IL23R: variants seen among roughly 807,000 people sequenced by gnomAD.
IL23R encodes interleukin-23 receptor.
A neutral mutation model predicts 56.9 loss-of-function variants in IL23R; 34 were observed. The observed-to-expected ratio is 0.60, with a 90% CI of 0.45 to 0.80. The LOEUF is 0.80. IL23R is among the 30% of genes least tolerant of loss of function. The pLI, the probability that IL23R is intolerant of heterozygous loss-of-function variation, is 0.00. For missense variants in IL23R, 635 were observed against 730.0 expected, an observed-to-expected ratio of 0.87 and a Z score of 1.50; for synonymous variants, 230 against 249.2, an observed-to-expected ratio of 0.92 and a Z score of 0.73.
intron 1 of IL23R, among the ~76,000 whole-genome samples, chr1:67,154,693 A>C (rs1281130545): frequency 6.6e-6 from 1 of 152,032 alleles, no homozygotes; most frequent in Non-Finnish European, 1.5e-5. Context: ...TTTGCATGTG[A>C]GATGGGTCTC....
intron 9 of IL23R, among the ~76,000 whole-genome samples, chr1:67,242,180 G>C (rs1336210489): frequency 1.3e-5 from 2 of 152,104 alleles, no homozygotes; most frequent in Non-Finnish European, 2.9e-5. Context: ...AGGCCTCCTG[G>C]CAATGTTCTC....
intron 7 of IL23R, among the ~76,000 whole-genome samples, chr1:67,228,750 A>G (rs1314002980): frequency 6.6e-6 from 1 of 152,122 alleles, no homozygotes; most frequent in African/African-American, 2.4e-5. Flanking sequence ...TACATTCCTC[A>G]GCTCATGGCT....
intron 5 of IL23R, among the ~76,000 whole-genome samples, chr1:67,204,236 TG>T (rs1359287604): frequency 6.6e-6 from 1 of 152,156 alleles, no homozygotes; most frequent in Non-Finnish European, 1.5e-5. Flanking sequence ...GCTAATTTTT[TG>T]TATTTTTAGT....
chr1:67,145,433 G>C (rs1213258775), intron 1 of IL23R, among the ~76,000 whole-genome samples: 1 of 152,136 alleles, frequency 6.6e-6, no homozygotes, highest in African/African-American at 2.4e-5. Context: ...TTAACACTAA[G>C]TATTTTGTGT....
chr1:67,225,648 T>C (rs1424447412), intron 7 of IL23R, among the ~76,000 whole-genome samples: 2 of 152,114 alleles, frequency 1.3e-5, no homozygotes, highest in African/African-American at 4.8e-5. Context: ...TAGCTGGGAC[T>C]ACAGACATCC....
At chr1:67,200,633 G>T (rs923611707) in intron 4 of IL23R, 104 bp from the exon 5 acceptor site, 1 of 1,129,692 alleles carries the variant, frequency 8.9e-7, no homozygotes, top group Non-Finnish European at 1.3e-6. Context: ...GATCCAACCC[G>T]CTTGGTCTCC....
Position 67,201,277 on chromosome 1 carries a change from G to A in IL23R, c.652+380G>A, listed in dbSNP as rs868072419. 1.5e-4 allele frequency among the ~76,000 whole-genome samples: 23 copies of A among 151,778 alleles called. 1 individual carries two copies. The South Asian group carries it at 3.3e-3, about 22-fold the overall frequency. On this transcript the variant is annotated intron_variant, in intron 5 of 10. Transcript: ENST00000347310. ...AAAAAAATTAGCCAGGCATGGTGGC[G>A]GGCACCTGTAGTCCCAGCTACTCAG...
upstream of IL23R, among the ~76,000 whole-genome samples, chr1:67,165,266 C>A (rs1646862072): frequency 1.3e-5 from 2 of 152,136 alleles, no homozygotes; most frequent in South Asian, 4.1e-4. Context: ...TTAGATATCA[C>A]TTCCCACCTT....
At chr1:67,263,076 G>A (rs1653239051), downstream of IL23R, among the ~76,000 whole-genome samples, 2 of 148,444 alleles carry the variant, frequency 1.3e-5, no homozygotes, top group East Asian at 2.0e-4. Context: ...GTGTGTACGT[G>A]TGTGTGCGTG....
At chr1:67,164,820 C>A (rs1646856320), upstream of IL23R, among the ~76,000 whole-genome samples, 1 of 151,938 alleles carries the variant, frequency 6.6e-6, no homozygotes, top group Non-Finnish European at 1.5e-5. Flanking sequence ...GATTCTGGAC[C>A]TGAATAGATT....
At chr1:67,190,602 C>T (rs977016103) in intron 4 of IL23R, among the ~76,000 whole-genome samples, 3 of 152,054 alleles carry the variant, frequency 2.0e-5, no homozygotes, top group Non-Finnish European at 4.4e-5. Context: ...AATAAAAATG[C>T]ATGAATGATA....
At chr1:67,244,094 C>T (rs549125782) in intron 9 of IL23R, among the ~76,000 whole-genome samples, 22 of 152,108 alleles carry the variant, frequency 1.4e-4, no homozygotes, top group African/African-American at 4.1e-4. Context: ...GTTTGTTGGC[C>T]GCATAAATGT....
chr1:67,190,014 T>C (rs575579066), intron 4 of IL23R, among the ~76,000 whole-genome samples: 30 of 152,326 alleles, frequency 2.0e-4, no homozygotes, highest in African/African-American at 6.5e-4. Context: ...AGCTGACTTA[T>C]AATGAATGTT....
Position 67,182,829 on chromosome 1 carries a change from G to A in IL23R, c.368-7G>A, listed in dbSNP as rs372132086. The stretch of plus-strand genomic sequence containing the variant: ...CAGCACCTCCTAAGTGTTATGTTTT[G>A]TTGCAGATCCGCCAGATATTCCTGA... On this transcript the variant is annotated splice_region_variant and splice_polypyrimidine_tract_variant and intron_variant, in intron 3 of 10. Coordinates refer to ENST00000347310, the MANE Select transcript of IL23R (RefSeq NM_144701.3). 2 of 1,613,750 alleles carry A rather than the reference G, an allele frequency of 1.2e-6. No homozygotes were observed. The highest frequency in any genetic ancestry group is 1.3e-5 in the African/African-American group (1 of 74,914).
rs187104718 is a variant in IL23R, at chr1:67,196,153, G to A, written c.492-4584G>A. 405 of 152,434 alleles carry A rather than the reference G, an allele frequency of 2.7e-3. 2 individuals are homozygous for A. The highest frequency in any genetic ancestry group is 4.6e-3 in the Non-Finnish European group (316 of 68,030). 9.4% of individuals were successfully genotyped at this position (152,434 alleles called of 1,614,324 possible). ...AATCAGGTTAGAGTCTGCCTCAACA[G>A]CACAAACAGTGTAATTGGAACAAGA... On this transcript the variant is annotated intron_variant, in intron 4 of 10. Coordinates refer to ENST00000347310, the MANE Select transcript of IL23R (RefSeq NM_144701.3).
chr1:67,158,910 T>C (rs55734473), intron 1 of IL23R, among the ~76,000 whole-genome samples: 1 of 129,360 alleles, frequency 7.7e-6, no homozygotes, highest in Non-Finnish European at 1.7e-5. Context: ...CAGTGATTGA[T>C]AGTGAGACTA....
chr1:67,228,043 CTCTT>C lies in IL23R; in HGVS notation c.955+8329_955+8332del, dbSNP rs796856714. ...CTTCCTTTCTTTCTTTTCTTTCTTT[CTCTT>C]TCTTTCTTTCTTTCTCTGTCTCTCT... On this transcript the variant is annotated intron_variant, in intron 7 of 10. Transcript: ENST00000347310. Among the ~76,000 whole-genome samples the C allele has an allele frequency of 8.0e-4, 31 of 38,982 alleles. 5 individuals are homozygous for C. Among genetic ancestry groups the C allele is most frequent in the Non-Finnish European group, 1.2e-3 (22 of 19,050 alleles). The allele number at this position is 38,982 out of a possible 152,430, so 25.6% of individuals were successfully genotyped here.
At chr1:67,198,242 C>A (rs1648320488) in intron 4 of IL23R, among the ~76,000 whole-genome samples, 1 of 152,152 alleles carries the variant, frequency 6.6e-6, no homozygotes, top group African/African-American at 2.4e-5. Context: ...AGGGTGGAAA[C>A]AATATCAAAT....
At chr1:67,155,905 G>C (rs1558218119) in intron 1 of IL23R, among the ~76,000 whole-genome samples, 2 of 152,194 alleles carry the variant, frequency 1.3e-5, no homozygotes, top group African/African-American at 4.8e-5. Flanking sequence ...TTTTTGCACA[G>C]GTTTTTCCTC....
Sources: gnomAD v4.1 joint callset for allele counts (sites outside exome capture counted in the v4.1 genomes callset) on GRCh38, gnomAD v4.1.1 for gene constraint, MANE v1.5 for transcripts, NCBI Gene and HGNC (gene_info 2026-07-23, HGNC 2026-07-21) for gene names.